The following ACADL variants were observed in gnomAD, a reference collection of about 807,000 sequenced individuals.
The protein encoded by ACADL is long-chain specific acyl-CoA dehydrogenase, mitochondrial.
Under a neutral mutation model 56.9 loss-of-function variants are expected in ACADL, and 60 were observed. The observed-to-expected ratio is 1.05, with a 90% CI of 0.86 to 1.31. The LOEUF (loss-of-function observed/expected upper bound fraction) is 1.31, where lower values mean the gene tolerates loss of function less well. Ranked by LOEUF, ACADL falls within the 50% of genes most tolerant of loss-of-function variation. The probability of loss-of-function intolerance (pLI) is 0.00; values close to 1 mark genes in which losing one functional copy is unlikely to be tolerated. For missense variants in ACADL, 484 were observed against 525.5 expected (o/e 0.92, Z 0.77); for synonymous variants, 158 against 179.7 (o/e 0.88, Z 0.97).
chr2:210,215,202 C>G (rs1025909599), intron 4 of ACADL, among the ~76,000 whole-genome samples: 1 of 152,146 alleles, frequency 6.6e-6, no homozygotes, highest in African/African-American at 2.4e-5. Flanking sequence ...ACCACTGCCC[C>G]CTCTCTACAT....
At chr2:210,209,023 TC>T (rs1459838158) in intron 5 of ACADL, among the ~76,000 whole-genome samples, 2 of 152,152 alleles carry the variant, frequency 1.3e-5, no homozygotes, top group Non-Finnish European at 2.9e-5. Context: ...AATATCCCAC[TC>T]CCCTTTCAAA....
At chr2:210,189,639 C>A (rs1011499337) in intron 10 of ACADL, among the ~76,000 whole-genome samples, 1 of 151,928 alleles carries the variant, frequency 6.6e-6, no homozygotes, top group Non-Finnish European at 1.5e-5. Flanking sequence ...GTGGCTGAGT[C>A]CATTGCTATA....
At chr2:210,209,672 GT>G (rs1688947093) in intron 5 of ACADL, 1 of 152,456 alleles carries the variant, frequency 6.6e-6, no homozygotes, top group Non-Finnish European at 1.5e-5. Context: ...AATTTTTTTA[GT>G]TTTTACTTTT....
chr2:210,199,043 G>A (rs1434118967), intron 8 of ACADL, among the ~76,000 whole-genome samples: 1 of 152,052 alleles, frequency 6.6e-6, no homozygotes, highest in Non-Finnish European at 1.5e-5. Context: ...AAAGAGAATG[G>A]AAACTGAATA....
At chr2:210,220,277 A>G (rs1007934292) in intron 2 of ACADL, among the ~76,000 whole-genome samples, 1 of 152,148 alleles carries the variant, frequency 6.6e-6, no homozygotes, top group Non-Finnish European at 1.5e-5. Context: ...GAGGTAACCA[A>G]TTGCTTACCA....
intron 10 of ACADL, 37 bp downstream of exon 10, chr2:210,192,767 C>T (rs376688105): frequency 1.3e-6 from 2 of 1,510,316 alleles, no homozygotes. Flanking sequence ...TTTTTCTTCA[C>T]ATCATAAAGA....
intron 8 of ACADL, among the ~76,000 whole-genome samples, chr2:210,195,733 AT>A (rs1688700865): frequency 1.3e-5 from 2 of 151,986 alleles, no homozygotes; most frequent in Admixed American, 6.6e-5. Flanking sequence ...ATCCTTGAAG[AT>A]TTTTTTCTTT....
intron 10 of ACADL, 128 bp from the exon 11 acceptor site, chr2:210,189,182 T>C (rs1688593125): frequency 1.5e-6 from 1 of 662,980 alleles, no homozygotes; most frequent in Non-Finnish European, 2.7e-6. Flanking sequence ...ATAAATTACT[T>C]ATTTTTTCAA....
rs1689026275 is a variant in ACADL, at chr2:210,213,632, T to C, written c.536+2715A>G. Among the ~76,000 whole-genome samples the C allele has an allele frequency of 3.9e-5, 6 of 152,182 alleles. No homozygotes were observed. In the South Asian group the frequency reaches 1.0e-3, roughly 26 times the overall value. ...AAAAATGAAAACGTATACTACTTAG[T>C]AAAGCCAACAAGTTAGACCCTCACA... On this transcript the variant is annotated intron_variant, in intron 4 of 10. Coordinates refer to ENST00000233710, the MANE Select transcript of ACADL (RefSeq NM_001608.4).
chr2:210,204,190 A>T (rs1688846462), intron 7 of ACADL, among the ~76,000 whole-genome samples: 1 of 152,156 alleles, frequency 6.6e-6, no homozygotes, highest in East Asian at 1.9e-4. Context: ...TTTCAGTCTG[A>T]ATTTTATACT....
Position 210,203,437 on chromosome 2 carries a change from A to C in ACADL, c.878T>G (p.Leu293Arg). 1 of 1,610,946 alleles carries C rather than the reference A, an allele frequency of 6.2e-7. No homozygotes were observed. The highest frequency in any genetic ancestry group is 8.5e-7 in the Non-Finnish European group (1 of 1,177,808). ...TGAAATTGCCACATCAGCAATTAACAGCCTTTCCTATAACACAAAAATTAG... is the reference window on the plus strand; with the variant it reads ...TGAAATTGCCACATCAGCAATTAACCGCCTTTCCTATAACACAAAAATTAG... Reference protein sequence around the residue: ...YIMKELPQERLLIADVAISAS... With the variant: ...YIMKELPQERRLIADVAISAS... Residue 293 changes from leucine (L) to arginine (R), a missense_variant, in exon 8 of 11, where the codon CTG (leucine) becomes CGG (arginine). Physicochemically the swap from Leu to Arg is moderately radical, Grantham distance 102. Transcript: ENST00000233710.
intron 6 of ACADL, 59 bp from the exon 7 acceptor site, chr2:210,204,741 G>A (rs1013111584): frequency 2.3e-6 from 3 of 1,306,688 alleles, no homozygotes; most frequent in African/African-American, 2.9e-5. Flanking sequence ...CAATAACCCA[G>A]TGAATATTGA....
intron 8 of ACADL, among the ~76,000 whole-genome samples, chr2:210,197,643 C>G (rs1229300033): frequency 1.3e-5 from 2 of 152,142 alleles, no homozygotes; most frequent in East Asian, 3.8e-4. Context: ...AAGGGTGGAT[C>G]CAACAAGTCT....
intron 1 of ACADL, among the ~76,000 whole-genome samples, chr2:210,222,665 GGCT>G (rs1475430694): frequency 6.6e-6 from 1 of 152,158 alleles, no homozygotes; most frequent in Non-Finnish European, 1.5e-5. Flanking sequence ...CTAGAGCAAA[GGCT>G]GTATGTCTGA....
At chr2:210,204,512 C>G (rs1688851419) in intron 7 of ACADL, 69 bp downstream of exon 7, 2 of 1,166,916 alleles carry the variant, frequency 1.7e-6, no homozygotes, top group Non-Finnish European at 2.6e-6. Flanking sequence ...ATAGAAATAA[C>G]ATGTTTCTAT....
chr2:210,203,245 A>G, intron 8 of ACADL, 86 bp downstream of exon 8: 1 of 891,720 alleles, frequency 1.1e-6, no homozygotes, highest in Non-Finnish European at 1.8e-6. Flanking sequence ...CTTACATGAA[A>G]ATAACTCCAA....
chr2:210,210,219 C>A lies in ACADL; in HGVS notation c.580G>T (p.Asp194Tyr), dbSNP rs1575677654. The A allele has an allele frequency of 1.2e-6, 2 of 1,612,854 alleles. No individual in the cohort carries two copies. Among genetic ancestry groups the A allele is most frequent in the South Asian group, 2.2e-5 (2 of 90,996 alleles). Residue 194 changes from aspartate (D) to tyrosine (Y), a missense_variant, in exon 5 of 11, where the codon GAC (aspartate) becomes TAC (tyrosine). Transcript: ENST00000233710. ...IKTNAKKDGS[D>Y]WILNGSKVFI... ...ACCTTGCTTCCATTGAGAATCCAGTCACTTCCATCCTTTTTAGCATTTGTT... is the reference window on the plus strand; with the variant it reads ...ACCTTGCTTCCATTGAGAATCCAGTAACTTCCATCCTTTTTAGCATTTGTT...
Position 210,188,924 on chromosome 2 carries a change from A to G in ACADL, c.*37T>C. The G allele has an allele frequency of 6.9e-7, 1 of 1,439,964 alleles. No homozygotes were observed. Among genetic ancestry groups the G allele is most frequent in the Non-Finnish European group, 9.8e-7 (1 of 1,021,340 alleles). 89.2% of individuals were successfully genotyped at this position (1,439,964 alleles called of 1,614,324 possible). On this transcript the variant is annotated 3_prime_UTR_variant, in exon 11 of 11. Coordinates refer to ENST00000233710, the MANE Select transcript of ACADL (RefSeq NM_001608.4). ...TTATCTTGAGCAGATTTAAAACGAG[A>G]TTAGCTGTAATAGGACTCCAGGATG...
At chr2:210,222,868 G>A (rs147197980) in intron 1 of ACADL, among the ~76,000 whole-genome samples, 351 of 152,200 alleles carry the variant, frequency 2.3e-3, no homozygotes, top group African/African-American at 7.9e-3. Context: ...GGAAATGATC[G>A]GCTCCTTTTT....
Sources: gnomAD v4.1 joint callset for allele counts (sites outside exome capture counted in the v4.1 genomes callset) on GRCh38, gnomAD v4.1.1 for gene constraint, MANE v1.5 for transcripts, NCBI Gene and HGNC (gene_info 2026-07-23, HGNC 2026-07-21) for gene names.